Variants in BMP8B observed in about 807,000 individuals in gnomAD.
BMP8B encodes the protein bone morphogenetic protein 8b.
A neutral mutation model predicts 30.3 loss-of-function variants in BMP8B; 17 were observed. That is an observed-to-expected ratio of 0.56 (90% confidence interval 0.38 to 0.84). The LOEUF (loss-of-function observed/expected upper bound fraction) is 0.84, where lower values mean the gene tolerates loss of function less well. BMP8B is among the 40% of genes least tolerant of loss of function. The probability of loss-of-function intolerance (pLI) is 0.00; values close to 1 mark genes in which losing one functional copy is unlikely to be tolerated. For synonymous variants in BMP8B, 131 were observed against 214.7 expected (o/e 0.61, Z 3.41); for missense variants, 253 against 494.6 (o/e 0.51, Z 4.63).
rs1281847581 is a variant in BMP8B, at chr1:39,788,614, G to T, written c.-129C>A. The stretch of plus-strand genomic sequence containing the variant: ...CGGGCGGCGGGCGGCGGGGCGGGGC[G>T]GGACGGGCGGCGACCGCGGCCTCAG... On this transcript the variant is annotated 5_prime_UTR_variant, in exon 1 of 7. Coordinates refer to ENST00000372827, the MANE Select transcript of BMP8B (RefSeq NM_001720.5). This position sits in a 1 kb window ranked among gnomAD's most constrained non-coding sequence, Gnocchi z 5.8. The T allele has an allele frequency of 2.3e-6, 2 of 859,108 alleles. No homozygotes were observed. The highest frequency in any genetic ancestry group is 6.3e-5 in the Admixed American group (1 of 15,856). The allele number at this position is 859,108 out of a possible 1,614,324, so 53.2% of individuals were successfully genotyped here. A position where few individuals can be genotyped will look rare whatever the true frequency, so the allele number is the denominator to read the frequency against.
intron 1 of BMP8B, among the ~76,000 whole-genome samples, chr1:39,776,866 CCA>C (rs1650272036): frequency 6.6e-6 from 1 of 152,150 alleles, no homozygotes; most frequent in Non-Finnish European, 1.5e-5. Context: ...GATACTTTTT[CCA>C]CACACAGGGA....
Position 39,758,070 on chromosome 1 carries a change from C to G in BMP8B, c.*2349G>C, listed in dbSNP as rs1297197147. 6.6e-6 allele frequency: 1 copy of G among 152,114 alleles called. No individual in the cohort carries two copies. Among genetic ancestry groups the G allele is most frequent in the African/African-American group, 2.4e-5 (1 of 41,404 alleles). 9.4% of individuals were successfully genotyped at this position (152,114 alleles called of 1,614,324 possible). On this transcript the variant is annotated 3_prime_UTR_variant, in exon 7 of 7. Coordinates refer to ENST00000372827, the MANE Select transcript of BMP8B (RefSeq NM_001720.5). ...AGTTTACAGACATTCTTGGTGCACC[C>G]CTAACTATGCCAGATCATTGGCTGG...
chr1:39,774,882 C>T lies in BMP8B; in HGVS notation c.491G>A (p.Ser164Asn). ...IHLLNRTLHV[S>N]MFQVVQEQSN... ...CTGCTCCTGGACCACCTGGAACATG[C>T]TGACGTGGAGGGTCCTGTTGAGCAG... The change falls in exon 2 of 7, where the codon AGC becomes AAC. Residue 164 changes from serine (S) to asparagine (N), a missense_variant. By Grantham distance (46) the Ser-to-Asn change is conservative. Coordinates refer to ENST00000372827, the MANE Select transcript of BMP8B (RefSeq NM_001720.5). 1.0e-6 allele frequency: 1 copy of T among 985,650 alleles called. No individual in the cohort carries two copies. The highest frequency in any genetic ancestry group is 1.5e-6 in the Non-Finnish European group (1 of 680,688). 61.1% of individuals were successfully genotyped at this position (985,650 alleles called of 1,614,324 possible).
At chr1:39,768,082 G>GCA (rs376676110) in intron 3 of BMP8B, among the ~76,000 whole-genome samples, 21,084 of 148,990 alleles carry the variant, frequency 0.14, 2,079 homozygotes, top group South Asian at 0.21. Context: ...ACGCGTGCAT[G>GCA]CACACACACA....
chr1:39,767,224 G>A (rs1649676357), intron 3 of BMP8B, among the ~76,000 whole-genome samples: 1 of 152,016 alleles, frequency 6.6e-6, no homozygotes, highest in Non-Finnish European at 1.5e-5. Flanking sequence ...AGGCGAGCCT[G>A]ACTAGGGAAC....
At chr1:39,784,074 C>T (rs1055295423) in intron 1 of BMP8B, among the ~76,000 whole-genome samples, 9 of 152,166 alleles carry the variant, frequency 5.9e-5, no homozygotes, top group African/African-American at 9.7e-5. Context: ...GATGTGGAGG[C>T]AGGGGGACAA....
intron 3 of BMP8B, chr1:39,771,338 C>G (rs1334109446): frequency 6.6e-6 from 8 of 1,204,810 alleles, no homozygotes; most frequent in Non-Finnish European, 8.8e-6. Flanking sequence ...AGGGCGGGCG[C>G]CCGCGCCCTG....
At chr1:39,776,713 G>A (rs895924563) in intron 1 of BMP8B, among the ~76,000 whole-genome samples, 1 of 152,194 alleles carries the variant, frequency 6.6e-6, no homozygotes, top group African/African-American at 2.4e-5. Context: ...TTTTTGGTCA[G>A]AAATAATACT....
At chr1:39,765,282 T>C (rs533396954) in intron 3 of BMP8B, among the ~76,000 whole-genome samples, 1 of 146,598 alleles carries the variant, frequency 6.8e-6, no homozygotes, top group East Asian at 1.9e-4. Flanking sequence ...TCCCGCACTT[T>C]CTGGGGTGTG....
At chr1:39,778,483 C>T (rs557822087) in intron 1 of BMP8B, among the ~76,000 whole-genome samples, 3 of 151,374 alleles carry the variant, frequency 2.0e-5, no homozygotes, top group South Asian at 2.1e-4. Context: ...GTTGGTTCTG[C>T]GTCCTGAAGG....
In BMP8B at chr1:39,788,597, G is replaced by T. The variant is rs1651178010; in HGVS notation, c.-112C>A. 1.1e-6 allele frequency: 1 copy of T among 939,506 alleles called. No individual in the cohort carries two copies. The allele number at this position is 939,506 out of a possible 1,614,324, so 58.2% of individuals were successfully genotyped here. A position where few individuals can be genotyped will look rare whatever the true frequency, so the allele number is the denominator to read the frequency against. Reference sequence around the variant, plus strand: ...AAGGAGGCTGGGCTCGGCGGGCGGCGGGCGGCGGGGCGGGGCGGGACGGGC... The same window carrying T: ...AAGGAGGCTGGGCTCGGCGGGCGGCTGGCGGCGGGGCGGGGCGGGACGGGC... On this transcript the variant is annotated 5_prime_UTR_variant, in exon 1 of 7. Transcript: ENST00000372827. The surrounding 1 kb of genome is among the most constrained non-coding windows in gnomAD (Gnocchi z 5.8).
intron 3 of BMP8B, chr1:39,769,619 A>T (rs1349514398): frequency 1.2e-5 from 18 of 1,440,760 alleles, no homozygotes; most frequent in African/African-American, 2.9e-5. Context: ...AACCCCTCCC[A>T]GAGCTGGGGA....
At chr1:39,768,014 A>G (rs1649720697) in intron 3 of BMP8B, among the ~76,000 whole-genome samples, 1 of 150,718 alleles carries the variant, frequency 6.6e-6, no homozygotes, top group Non-Finnish European at 1.5e-5. Flanking sequence ...GAACCCCCAG[A>G]GCTACACTTA....
rs754815102 is a variant in BMP8B at position 39,760,508 on chromosome 1, C to T, written c.1120G>A (p.Ala374Thr). 21 of 1,614,032 alleles carry T rather than the reference C, an allele frequency of 1.3e-5. No individual in the cohort carries two copies. Among genetic ancestry groups the T allele is most frequent in the South Asian group, 6.6e-5 (6 of 91,082 alleles). Residue 374 changes from alanine to threonine, a missense_variant, in exon 7 of 7, where the codon GCC becomes ACC. This residue lies in a region of BMP8B where 116 missense variants were observed against 142.3 expected (regional missense o/e 0.81). Coordinates refer to ENST00000372827, the MANE Select transcript of BMP8B (RefSeq NM_001720.5). ...CTGTCATAGTAGAGCACAGAGGTGG[C>T]GCTCAGCTTGGTGGGTGCACAGCAC... is the stretch of plus-strand genomic sequence containing the variant. The part of the protein sequence containing the change: ...KACCAPTKLS[A>T]TSVLYYDSSN...
intron 6 of BMP8B, chr1:39,762,487 C>G (rs560337765): frequency 6.5e-7 from 1 of 1,541,238 alleles, no homozygotes; most frequent in South Asian, 1.2e-5. Flanking sequence ...CACCAGTGAT[C>G]CCATCAGAAA....
At position 39,763,190 on chromosome 1, in the gene BMP8B, C is replaced by T. The variant is rs776769804; in HGVS notation, c.961G>A (p.Ala321Thr). The T allele has an allele frequency of 1.2e-5, 20 of 1,612,480 alleles. 1 individual carries two copies. The highest frequency in any genetic ancestry group is 6.7e-5 in the Admixed American group (4 of 59,924). ...TAATAGGCCGAGTAGCCTTGGGGAG[C>T]GATGACCCAGTCCTGGGGGGCAAGG... is the stretch of plus-strand genomic sequence containing the variant. ...QDLGWLDWVIAPQGYSAYYCE... is the reference protein window; with the variant it reads ...QDLGWLDWVITPQGYSAYYCE... Residue 321 changes from alanine to threonine, a missense_variant, in exon 6 of 7, where the codon GCT becomes ACT. Coordinates refer to ENST00000372827, the MANE Select transcript of BMP8B (RefSeq NM_001720.5).
rs1159462114 is a variant in BMP8B, at chr1:39,788,619, G to C, written c.-134C>G. On this transcript the variant is annotated 5_prime_UTR_variant, in exon 1 of 7. Coordinates refer to ENST00000372827, the MANE Select transcript of BMP8B (RefSeq NM_001720.5). The surrounding 1 kb of genome is among the most constrained non-coding windows in gnomAD (Gnocchi z 5.8). ...GGCGGGCGGCGGGGCGGGGCGGGAC[G>C]GGCGGCGACCGCGGCCTCAGCGCGG... is the stretch of plus-strand genomic sequence containing the variant. 8.4e-6 allele frequency: 7 copies of C among 831,624 alleles called. No homozygotes were observed. Among genetic ancestry groups the C allele is most frequent in the Non-Finnish European group, 8.7e-6 (6 of 690,744 alleles). 51.5% of individuals were successfully genotyped at this position (831,624 alleles called of 1,614,324 possible).
In BMP8B at chr1:39,778,046, C is replaced by T. The variant is rs910672786; in HGVS notation, c.335-3008G>A. ...ACAGCGAGCCCTTGGAGGGCCGGGACGGAGCCACGTGGGTGGACATGGGAG... is the reference window on the plus strand; with the variant it reads ...ACAGCGAGCCCTTGGAGGGCCGGGATGGAGCCACGTGGGTGGACATGGGAG... On this transcript the variant is annotated intron_variant, in intron 1 of 6. Coordinates refer to ENST00000372827, the MANE Select transcript of BMP8B (RefSeq NM_001720.5). Among the ~76,000 whole-genome samples the T allele has an allele frequency of 6.9e-4, 105 of 152,136 alleles. 1 individual carries two copies. Among genetic ancestry groups the T allele is most frequent in the African/African-American group, 1.5e-3 (62 of 41,556 alleles).
chr1:39,757,631 C>T lies in BMP8B; in HGVS notation c.*2788G>A, dbSNP rs955425437. On this transcript the variant is annotated 3_prime_UTR_variant, in exon 7 of 7. Coordinates refer to ENST00000372827, the MANE Select transcript of BMP8B (RefSeq NM_001720.5). ...ACTGTCATTGATTTCTCATTGCTGTCAGTAGATCTGAAACAACCACCACCA... is the reference window on the plus strand; with the variant it reads ...ACTGTCATTGATTTCTCATTGCTGTTAGTAGATCTGAAACAACCACCACCA... The T allele has an allele frequency of 6.6e-6, 1 of 152,262 alleles. No individual in the cohort carries two copies. The highest frequency in any genetic ancestry group is 2.4e-5 in the African/African-American group (1 of 41,442). 9.4% of individuals were successfully genotyped at this position (152,262 alleles called of 1,614,324 possible).
Sources: allele counts gnomAD v4.1 joint callset (sites outside exome capture counted in the v4.1 genomes callset), GRCh38; gene constraint gnomAD v4.1.1; regional missense constraint gnomAD v4.1.1; non-coding constraint Gnocchi (gnomAD v3.1); transcripts MANE v1.5; gene names NCBI Gene and HGNC (gene_info 2026-07-23, HGNC 2026-07-21).